PDE1A: variants seen among roughly 807,000 people sequenced by gnomAD.
PDE1A encodes dual specificity calcium/calmodulin-dependent 3',5'-cyclic nucleotide phosphodiesterase 1A.
Under a neutral mutation model 61.7 loss-of-function variants are expected in PDE1A, and 35 were observed. That is an observed-to-expected ratio of 0.57 (90% CI 0.43 to 0.75). PDE1A has a LOEUF of 0.75. Ranked by LOEUF, PDE1A falls within the 30% of genes least tolerant of loss-of-function variation. PDE1A has a pLI of 0.00. For synonymous variants in PDE1A, 232 were observed against 213.2 expected (o/e 1.09, Z -0.77); for missense variants, 597 against 630.6 (o/e 0.95, Z 0.57).
At chr2:182,162,355 C>A (rs919043704) in intron 13 of PDE1A, among the ~76,000 whole-genome samples, 1 of 151,998 alleles carries the variant, frequency 6.6e-6, no homozygotes, top group African/African-American at 2.4e-5. Flanking sequence ...AGACCTCCAG[C>A]ACTGGCTAAT....
At chr2:182,465,225 A>G (rs144993559) in intron 2 of PDE1A, among the ~76,000 whole-genome samples, 188 of 152,248 alleles carry the variant, frequency 1.2e-3, no homozygotes, top group African/African-American at 4.3e-3. Flanking sequence ...AATCTAACCT[A>G]AAGTTTACTT....
At chr2:182,582,524 C>T in the PDE1A span, among the ~76,000 whole-genome samples, 1 of 152,142 alleles carries the variant, frequency 6.6e-6, no homozygotes, top group Non-Finnish European at 1.5e-5. Context: ...GTCTGAAACA[C>T]TAAGACTTGA....
the PDE1A span, among the ~76,000 whole-genome samples, chr2:182,631,706 A>ATC: frequency 6.6e-6 from 1 of 152,254 alleles, no homozygotes; most frequent in Non-Finnish European, 1.5e-5. Flanking sequence ...GTAGTTAAAA[A>ATC]TTAACTGTAT....
chr2:182,357,794 T>C (rs921263598), intron 1 of PDE1A, among the ~76,000 whole-genome samples: 1 of 152,210 alleles, frequency 6.6e-6, no homozygotes, highest in Non-Finnish European at 1.5e-5. Context: ...CCAGACTTGA[T>C]TTTAATTTAA....
At chr2:182,205,848 G>A in intron 8 of PDE1A, 92 bp downstream of exon 8, 1 of 1,086,918 alleles carries the variant, frequency 9.2e-7, no homozygotes, top group Non-Finnish European at 1.3e-6. Flanking sequence ...TTTGGGGAAT[G>A]CATCGACTTT....
At chr2:182,639,614 C>A in the PDE1A span, among the ~76,000 whole-genome samples, 1 of 151,374 alleles carries the variant, frequency 6.6e-6, no homozygotes, top group African/African-American at 2.4e-5. Context: ...AAAATAAAAT[C>A]GAAAAAGAGA....
At chr2:182,385,334 TAAAA>T (rs916178780) in intron 1 of PDE1A, among the ~76,000 whole-genome samples, 2 of 152,026 alleles carry the variant, frequency 1.3e-5, no homozygotes, top group Non-Finnish European at 2.9e-5. Context: ...TCAAAACTAT[TAAAA>T]ATAATAATAG....
At chr2:182,219,056 G>A (rs1163574375) in intron 7 of PDE1A, among the ~76,000 whole-genome samples, 27 of 151,832 alleles carry the variant, frequency 1.8e-4, no homozygotes, top group Admixed American at 1.7e-3. Flanking sequence ...CAGGTGAAGG[G>A]GATGATGAAA....
intron 7 of PDE1A, among the ~76,000 whole-genome samples, chr2:182,214,651 A>C (rs925404933): frequency 3.4e-5 from 5 of 148,330 alleles, no homozygotes; most frequent in African/African-American, 1.0e-4. Context: ...ACCAACAAAG[A>C]TCAAAAGAGA....
intron 2 of PDE1A, among the ~76,000 whole-genome samples, chr2:182,262,806 C>T (rs1346840934): frequency 6.6e-6 from 1 of 152,004 alleles, no homozygotes; most frequent in African/African-American, 2.4e-5. Flanking sequence ...TAGTATACTA[C>T]CTTCCATGAA....
intron 1 of PDE1A, among the ~76,000 whole-genome samples, chr2:182,280,917 C>T (rs1330859503): frequency 6.6e-6 from 1 of 151,852 alleles, no homozygotes; most frequent in Non-Finnish European, 1.5e-5. Flanking sequence ...ACCTAAATAA[C>T]TGCACAAACT....
the PDE1A span, among the ~76,000 whole-genome samples, chr2:182,644,287 G>GTGTGTGTGTC: frequency 2.1e-4 from 31 of 150,444 alleles, 3 homozygotes; most frequent in South Asian, 6.7e-3. Flanking sequence ...GTGTGTGTGT[G>GTGTGTGTGTC]TGTGTGTGTG....
chr2:182,609,815 A>G, the PDE1A span, among the ~76,000 whole-genome samples: 14 of 145,546 alleles, frequency 9.6e-5, no homozygotes, highest in East Asian at 2.3e-3. Context: ...CGGATGGGGC[A>G]CAGTGGTTCA....
At chr2:182,589,340 A>G in the PDE1A span, among the ~76,000 whole-genome samples, 2 of 151,304 alleles carry the variant, frequency 1.3e-5, no homozygotes, top group African/African-American at 4.8e-5. Context: ...AATTCATAGA[A>G]GCTACAGTGT....
intron 1 of PDE1A, among the ~76,000 whole-genome samples, chr2:182,387,375 C>T (rs1701171769): frequency 6.6e-6 from 1 of 150,736 alleles, no homozygotes; most frequent in South Asian, 2.1e-4. Flanking sequence ...TATGACCCTG[C>T]CAAATCCCCC....
At chr2:182,615,496 G>A in the PDE1A span, among the ~76,000 whole-genome samples, 1 of 152,172 alleles carries the variant, frequency 6.6e-6, no homozygotes, top group East Asian at 1.9e-4. Flanking sequence ...TATGTCATTA[G>A]ATGCTAAATT....
At chr2:182,557,667 G>A in the PDE1A span, among the ~76,000 whole-genome samples, 3 of 151,992 alleles carry the variant, frequency 2.0e-5, no homozygotes, top group South Asian at 2.1e-4. Context: ...AGCCAAAATC[G>A]TGCCACTGCA....
intron 1 of PDE1A, among the ~76,000 whole-genome samples, chr2:182,402,735 C>G (rs1164693348): frequency 6.6e-6 from 1 of 152,148 alleles, no homozygotes; most frequent in African/African-American, 2.4e-5. Flanking sequence ...TCAGAGTGAA[C>G]AGGCAACCTA....
At chr2:182,286,971 T>G (rs565370172) in intron 1 of PDE1A, among the ~76,000 whole-genome samples, 1 of 152,132 alleles carries the variant, frequency 6.6e-6, no homozygotes, top group East Asian at 1.9e-4. Flanking sequence ...CTCACTCTTA[T>G]GTTTAAAATT....
Sources: allele counts gnomAD v4.1 joint callset (sites outside exome capture counted in the v4.1 genomes callset), GRCh38; gene constraint gnomAD v4.1.1; transcripts MANE v1.5; gene names NCBI Gene and HGNC (gene_info 2026-07-23, HGNC 2026-07-21).